The following ARHGEF40 variants were observed in gnomAD, a reference collection of about 807,000 sequenced individuals.
ARHGEF40 encodes Rho guanine nucleotide exchange factor (GEF) 40.
ARHGEF40 carries 98 observed loss-of-function variants against 165.9 expected under a neutral mutation model. The ratio of observed to expected loss-of-function variants is 0.59; its 90% CI spans 0.50 to 0.70. The LOEUF is 0.70. ARHGEF40 is among the 30% of genes least tolerant of loss of function. The probability of loss-of-function intolerance (pLI) is 0.00; values close to 1 mark genes in which losing one functional copy is unlikely to be tolerated. For missense variants in ARHGEF40, 1,815 were observed against 1,968.0 expected, an observed-to-expected ratio of 0.92 and a Z score of 1.47; for synonymous variants, 792 against 814.3, an observed-to-expected ratio of 0.97 and a Z score of 0.47.
At chr14:21,067,282 G>GTT (rs11444511), upstream of ARHGEF40, among the ~76,000 whole-genome samples, 699 of 150,574 alleles carry the variant, frequency 4.6e-3, 1 homozygote, top group Non-Finnish European at 5.2e-3. Context: ...AAAAAGGTAG[G>GTT]TTTTTTTTTT....
intron 8 of ARHGEF40, among the ~76,000 whole-genome samples, chr14:21,077,378 C>T (rs537336233): frequency 7.9e-5 from 12 of 151,254 alleles, no homozygotes; most frequent in Admixed American, 2.0e-4. Context: ...CTCAGCCTCC[C>T]GAAGTGCTAA....
At position 21,088,863 on chromosome 14, in the gene ARHGEF40, C is replaced by T. The variant is rs762406269; in HGVS notation, c.4552C>T (p.Pro1518Ser). Reference sequence around the variant, plus strand: ...TCGAGCCCTGAGTGACCCCACCACGCCTCTGTGACCTGGGTGAGTCAGCAT... The same window carrying T: ...TCGAGCCCTGAGTGACCCCACCACGTCTCTGTGACCTGGGTGAGTCAGCAT... ...HARALSDPTT[P>S]L Residue 1518 changes from proline (P) to serine (S), a missense_variant, in exon 23 of 24, where the codon CCT becomes TCT. Transcript: ENST00000298694. 6.2e-7 allele frequency: 1 copy of T among 1,612,964 alleles called. No homozygotes were observed. The highest frequency in any genetic ancestry group is 8.5e-7 in the Non-Finnish European group (1 of 1,179,318).
intron 23 of ARHGEF40, 30 bp from the exon 24 acceptor site, chr14:21,088,984 C>A: frequency 9.3e-7 from 1 of 1,076,804 alleles, no homozygotes; most frequent in Non-Finnish European, 1.4e-6. Flanking sequence ...CCTCTCCCAA[C>A]TCATCTCCCT....
chr14:21,080,694 A>G lies in ARHGEF40; in HGVS notation c.2408A>G (p.Gln803Arg). Residue 803 changes from glutamine (Q) to arginine (R), a missense_variant, in exon 12 of 24, where the codon CAG becomes CGG. Transcript: ENST00000298694. ...TGGCTCTCGGGCCCAGGGGAGGAGC[A>G]GCTGGCAAGCTTTGCTATGCCTGGG... is the stretch of plus-strand genomic sequence containing the variant. ...LQWLSGPGEE[Q>R]LASFAMPGDT... The G allele has an allele frequency of 6.2e-7, 1 of 1,611,928 alleles. No individual in the cohort carries two copies. The highest frequency in any genetic ancestry group is 8.5e-7 in the Non-Finnish European group (1 of 1,179,318).
In ARHGEF40 at chr14:21,087,113, C is replaced by T. The variant is rs1161415059; in HGVS notation, c.4243+8C>T. 5 of 1,606,932 alleles carry T rather than the reference C, an allele frequency of 3.1e-6. No homozygotes were observed. The highest frequency in any genetic ancestry group is 2.5e-6 in the Non-Finnish European group (3 of 1,176,514). On this transcript the variant is annotated splice_region_variant and intron_variant, in intron 20 of 23. Transcript: ENST00000298694. ...CCCTGCTCACTGGAAGAGGTGAGGG[C>T]CAGGGTGCTGGGGGGTGGCCCCCAG...
At position 21,089,342 on chromosome 14, in the gene ARHGEF40, TCTC is replaced by T. The variant is rs372534612; in HGVS notation, c.*338_*340del. The T allele has an allele frequency of 2.2e-3, 335 of 155,332 alleles. No individual in the cohort carries two copies. The Middle Eastern group carries it at 0.029, about 14-fold the overall frequency. 9.6% of individuals were successfully genotyped at this position (155,332 alleles called of 1,614,324 possible). ...GCCAGCCCTCCCTGGCAGCCCATGTTCTCCTCTTTTCTCACCCCCTGACTTTCC... is the reference window on the plus strand; with the variant it reads ...GCCAGCCCTCCCTGGCAGCCCATGTTCTCTTTTCTCACCCCCTGACTTTCC... On this transcript the variant is annotated 3_prime_UTR_variant, in exon 24 of 24. Coordinates refer to ENST00000298694, the MANE Select transcript of ARHGEF40 (RefSeq NM_018071.5).
the ARHGEF40 span, among the ~76,000 whole-genome samples, chr14:21,062,018 T>TA: frequency 6.6e-6 from 1 of 152,230 alleles, no homozygotes; most frequent in Non-Finnish European, 1.5e-5. Flanking sequence ...ATTAACTACT[T>TA]ACAAATAAGA....
chr14:21,084,643 A>G (rs1313219385), intron 17 of ARHGEF40, 110 bp from the exon 18 acceptor site: 14 of 1,231,836 alleles, frequency 1.1e-5, no homozygotes, highest in Non-Finnish European at 1.5e-5. Flanking sequence ...TCCTGACTCT[A>G]CCTGAGAACC....
Position 21,070,453 on chromosome 14 carries a change from C to G in ARHGEF40, c.3+54C>G. On this transcript the variant is annotated intron_variant, in intron 1 of 23. Coordinates refer to ENST00000298694, the MANE Select transcript of ARHGEF40 (RefSeq NM_018071.5). This position sits in a 1 kb window ranked among gnomAD's most constrained non-coding sequence, Gnocchi z 4.7. The stretch of plus-strand genomic sequence containing the variant: ...CCCCTCGGCCTTCGCGCAGCCCGCT[C>G]CGGGCCCCCAAGTCCTCAGCCTGGT... The G allele has an allele frequency of 7.4e-7, 1 of 1,356,640 alleles. No homozygotes were observed. Among genetic ancestry groups the G allele is most frequent in the Non-Finnish European group, 9.4e-7 (1 of 1,060,938 alleles). 84.0% of individuals were successfully genotyped at this position (1,356,640 alleles called of 1,614,324 possible). A position where few individuals can be genotyped will look rare whatever the true frequency, so the allele number is the denominator to read the frequency against.
the ARHGEF40 span, among the ~76,000 whole-genome samples, chr14:21,063,705 A>G: frequency 4.6e-5 from 7 of 152,210 alleles, no homozygotes; most frequent in Admixed American, 1.3e-4. Context: ...ACTGCTAGCT[A>G]TAACAGGCAC....
intron 11 of ARHGEF40, 131 bp from the exon 12 acceptor site, chr14:21,080,529 C>T (rs895343706): frequency 1.3e-5 from 13 of 1,021,642 alleles, no homozygotes; most frequent in Non-Finnish European, 1.5e-5. Flanking sequence ...TTGTCATTCC[C>T]ACATTGCAGA....
chr14:21,074,602 AC>A lies in ARHGEF40; in HGVS notation c.874del (p.Gln292ArgfsTer59). 1 of 1,569,564 alleles carries A rather than the reference AC, an allele frequency of 6.4e-7. No individual in the cohort carries two copies. The highest frequency in any genetic ancestry group is 1.2e-5 in the South Asian group (1 of 85,994). On this transcript the variant is annotated frameshift_variant, in exon 3 of 24. Coordinates refer to ENST00000298694, the MANE Select transcript of ARHGEF40 (RefSeq NM_018071.5). LOFTEE classifies it high-confidence loss of function. The surrounding 1 kb of genome is among the most constrained non-coding windows in gnomAD (Gnocchi z 4.8). ...GRHRRHRAWM[H>X]QKGLGPRGQD... ...CACCGGAGACACCGGGCGTGGATGCACCAGAAGGGCCTGGGGCCTCGGGGCC... is the reference window on the plus strand; with the variant it reads ...CACCGGAGACACCGGGCGTGGATGCACAGAAGGGCCTGGGGCCTCGGGGCC...
At chr14:21,076,323 C>A in intron 5 of ARHGEF40, 37 bp from the exon 6 acceptor site, 1 of 1,570,256 alleles carries the variant, frequency 6.4e-7, no homozygotes, top group African/African-American at 1.3e-5. Context: ...CCAAAACACA[C>A]ACACAGCAGC....
At chr14:21,088,185 G>A in intron 22 of ARHGEF40, 87 bp downstream of exon 22, 1 of 1,480,286 alleles carries the variant, frequency 6.8e-7, no homozygotes, top group Admixed American at 2.5e-5. Context: ...CCCCAGGGGG[G>A]TTGGGGGAAA....
At chr14:21,080,822 G>C in intron 12 of ARHGEF40, 40 bp downstream of exon 12, 1 of 1,603,746 alleles carries the variant, frequency 6.2e-7, no homozygotes, top group Non-Finnish European at 8.5e-7. Flanking sequence ...GAGGCAGGGG[G>C]AGACTACCTA....
the ARHGEF40 span, among the ~76,000 whole-genome samples, chr14:21,064,066 C>T: frequency 4.6e-4 from 70 of 152,318 alleles, no homozygotes; most frequent in African/African-American, 1.5e-3. Flanking sequence ...GACCCCTGCC[C>T]TCCACATATT....
At chr14:21,087,547 T>G in intron 21 of ARHGEF40, 84 bp downstream of exon 21, 2 of 1,548,818 alleles carry the variant, frequency 1.3e-6, no homozygotes. Context: ...CAATTCCTTT[T>G]TCTAGCCAAG....
intron 18 of ARHGEF40, 23 bp from the exon 19 acceptor site, chr14:21,085,666 C>G: frequency 1.9e-6 from 3 of 1,609,108 alleles, no homozygotes; most frequent in Non-Finnish European, 2.5e-6. Context: ...TGTCTTCACC[C>G]GCTGCCCTCT....
rs559430272 is a variant in ARHGEF40 at position 21,077,190 on chromosome 14, G to C, written c.2034+300G>C. 7.2e-5 allele frequency among the ~76,000 whole-genome samples: 11 copies of C among 151,848 alleles called. No homozygotes were observed. The South Asian group carries it at 2.3e-3, about 32-fold the overall frequency. ...TTCGATCACAGCTTACTGCAGCCTCGACCCTCTGGACTCAGGCGATCCTCC... is the reference window on the plus strand; with the variant it reads ...TTCGATCACAGCTTACTGCAGCCTCCACCCTCTGGACTCAGGCGATCCTCC... On this transcript the variant is annotated intron_variant, in intron 8 of 23. Transcript: ENST00000298694.
Sources: gnomAD v4.1 joint callset for allele counts (sites outside exome capture counted in the v4.1 genomes callset) on GRCh38, gnomAD v4.1.1 for gene constraint, Gnocchi (gnomAD v3.1) non-coding constraint, MANE v1.5 for transcripts, NCBI Gene and HGNC (gene_info 2026-07-23, HGNC 2026-07-21) for gene names.